The following RABGAP1L variants were observed in gnomAD, a reference collection of about 807,000 sequenced individuals.
RABGAP1L encodes the protein RAB GTPase activating protein 1 like.
In RABGAP1L, 63 loss-of-function variants were observed where a neutral mutation model predicts 137.7. The observed-to-expected ratio is 0.46, with a 90% CI of 0.37 to 0.56. The LOEUF is 0.56. Among genes scored for constraint, RABGAP1L ranks in the 20% least tolerant of loss-of-function variants. The pLI is 0.00. For missense variants in RABGAP1L, 1,095 were observed against 1,244.0 expected, an observed-to-expected ratio of 0.88 and a Z score of 1.80; for synonymous variants, 431 against 433.7, an observed-to-expected ratio of 0.99 and a Z score of 0.08.
chr1:174,819,261 G>GT (rs941472696), intron 19 of RABGAP1L, among the ~76,000 whole-genome samples: 8 of 148,106 alleles, frequency 5.4e-5, no homozygotes, highest in African/African-American at 1.5e-4. Context: ...AGAGAGATGA[G>GT]TAAGTACAAG....
chr1:174,973,815 T>C (rs1670380354), intron 21 of RABGAP1L, among the ~76,000 whole-genome samples: 1 of 152,062 alleles, frequency 6.6e-6, no homozygotes, highest in Non-Finnish European at 1.5e-5. Flanking sequence ...GTTCACAAAG[T>C]GGAAATTGCT....
At chr1:174,703,822 C>T (rs1016791065) in intron 17 of RABGAP1L, among the ~76,000 whole-genome samples, 8 of 152,092 alleles carry the variant, frequency 5.3e-5, no homozygotes, top group Non-Finnish European at 1.0e-4. Flanking sequence ...ATTTGCATTT[C>T]TTTGATAATT....
chr1:174,339,850 A>G (rs1681817047), intron 11 of RABGAP1L, among the ~76,000 whole-genome samples: 1 of 151,832 alleles, frequency 6.6e-6, no homozygotes, highest in South Asian at 2.1e-4. Context: ...CAAGTGATCC[A>G]CCCACCTCAG....
At chr1:174,246,902 A>G (rs151297701) in intron 5 of RABGAP1L, among the ~76,000 whole-genome samples, 117 of 152,356 alleles carry the variant, frequency 7.7e-4, no homozygotes, top group East Asian at 3.3e-3. Context: ...AATTCACAAT[A>G]TATTTTAACT....
chr1:174,800,214 C>T (rs1688628222), intron 18 of RABGAP1L: 2 of 1,407,778 alleles, frequency 1.4e-6, no homozygotes, highest in South Asian at 1.6e-5. Context: ...CAATTCCCAC[C>T]ACAGACTGGC....
intron 13 of RABGAP1L, among the ~76,000 whole-genome samples, chr1:174,450,228 TTTTA>T (rs932124128): frequency 6.6e-6 from 1 of 152,158 alleles, no homozygotes; most frequent in Non-Finnish European, 1.5e-5. Flanking sequence ...AGAATGCCCT[TTTTA>T]AAAATAAATA....
intron 19 of RABGAP1L, among the ~76,000 whole-genome samples, chr1:174,957,078 TAAC>T (rs1448484779): frequency 6.6e-6 from 1 of 152,234 alleles, no homozygotes; most frequent in Non-Finnish European, 1.5e-5. Context: ...TTAAATACAT[TAAC>T]AAGAGAAGGT....
chr1:174,925,318 A>G (rs1662551028), intron 19 of RABGAP1L, among the ~76,000 whole-genome samples: 2 of 138,626 alleles, frequency 1.4e-5, no homozygotes, highest in South Asian at 4.9e-4. Context: ...ACTGCACTCC[A>G]GCCTGGGAGA....
At chr1:174,639,594 C>T (rs1163685944) in intron 14 of RABGAP1L, among the ~76,000 whole-genome samples, 6 of 151,912 alleles carry the variant, frequency 3.9e-5, no homozygotes, top group African/African-American at 1.5e-4. Context: ...AGTGACTTTC[C>T]CTTCAGCTTT....
At chr1:174,635,113 T>G (rs942790480) in intron 13 of RABGAP1L, among the ~76,000 whole-genome samples, 2 of 151,938 alleles carry the variant, frequency 1.3e-5, no homozygotes, top group African/African-American at 4.8e-5. Context: ...GCAAATTTAC[T>G]CTCTAGATTT....
intron 13 of RABGAP1L, among the ~76,000 whole-genome samples, chr1:174,559,076 CTAGTCAGT>C (rs1340721159): frequency 6.6e-6 from 1 of 152,150 alleles, no homozygotes; most frequent in African/African-American, 2.4e-5. Context: ...AAAGGGGCAT[CTAGTCAGT>C]CATCCTTTCC....
At chr1:174,502,959 A>G (rs2147769669) in intron 13 of RABGAP1L, among the ~76,000 whole-genome samples, 2 of 152,308 alleles carry the variant, frequency 1.3e-5, no homozygotes, top group East Asian at 3.9e-4. Context: ...TAATGATATT[A>G]GGGTAATAGA....
chr1:174,468,456 A>G (rs1262157051), intron 13 of RABGAP1L, among the ~76,000 whole-genome samples: 1 of 152,216 alleles, frequency 6.6e-6, no homozygotes, highest in Admixed American at 6.5e-5. Flanking sequence ...ATGGATTCAC[A>G]TTCTACCTTG....
intron 19 of RABGAP1L, among the ~76,000 whole-genome samples, chr1:174,828,018 A>G (rs887168000): frequency 6.7e-6 from 1 of 148,414 alleles, no homozygotes; most frequent in African/African-American, 2.5e-5. Flanking sequence ...TATATAGGAC[A>G]CAGGTACTTA....
At chr1:174,387,722 G>C (rs1686911416) in intron 12 of RABGAP1L, among the ~76,000 whole-genome samples, 1 of 151,970 alleles carries the variant, frequency 6.6e-6, no homozygotes, top group African/African-American at 2.4e-5. Flanking sequence ...GGGTTGCTCA[G>C]CTGAAATTCA....
chr1:174,222,578 A>C (rs1393532551), intron 3 of RABGAP1L, among the ~76,000 whole-genome samples: 1 of 152,218 alleles, frequency 6.6e-6, no homozygotes, highest in South Asian at 2.1e-4. Context: ...GTTCTTGGAA[A>C]ACTTAGAAGG....
At chr1:174,487,978 G>A (rs954040377) in intron 13 of RABGAP1L, among the ~76,000 whole-genome samples, 2 of 151,944 alleles carry the variant, frequency 1.3e-5, no homozygotes, top group Non-Finnish European at 2.9e-5. Context: ...TTATTATACT[G>A]CCTGATTTCA....
At chr1:174,613,353 G>T (rs950053931) in intron 13 of RABGAP1L, among the ~76,000 whole-genome samples, 43 of 152,282 alleles carry the variant, frequency 2.8e-4, no homozygotes, top group African/African-American at 9.6e-4. Context: ...CAGTTTCCAT[G>T]TAGTTGAGTG....
chr1:174,978,781 G>T, intron 22 of RABGAP1L, 26 bp from the exon 23 acceptor site: 1 of 1,515,340 alleles, frequency 6.6e-7, no homozygotes, highest in South Asian at 1.3e-5. Context: ...GCTAAATCCT[G>T]ATATTTCTCA....
Sources: gnomAD v4.1 joint callset for allele counts (sites outside exome capture counted in the v4.1 genomes callset) on GRCh38, gnomAD v4.1.1 for gene constraint, MANE v1.5 for transcripts, NCBI Gene and HGNC (gene_info 2026-07-23, HGNC 2026-07-21) for gene names.